PPP1R1C: variants seen among roughly 807,000 people sequenced by gnomAD.
The protein encoded by PPP1R1C is protein phosphatase 1 regulatory subunit 1C.
PPP1R1C carries 15 observed loss-of-function variants against 17.4 expected under a neutral mutation model. That is an observed-to-expected ratio of 0.86 (90% CI 0.58 to 1.33). The LOEUF is 1.33. PPP1R1C is among the 40% of genes most tolerant of loss of function. The probability of loss-of-function intolerance (pLI) is 0.00; values close to 1 mark genes in which losing one functional copy is unlikely to be tolerated. For missense variants in PPP1R1C, 143 were observed against 130.0 expected, an observed-to-expected ratio of 1.10 and a Z score of -0.48; for synonymous variants, 35 against 43.1, an observed-to-expected ratio of 0.81 and a Z score of 0.73.
intron 4 of PPP1R1C, among the ~76,000 whole-genome samples, chr2:182,080,600 C>T (rs897801215): frequency 5.3e-5 from 8 of 152,124 alleles, no homozygotes; most frequent in African/African-American, 7.2e-5. Flanking sequence ...AACTATATTT[C>T]CTCTAATTCA....
Position 182,117,360 on chromosome 2 carries a change from A to ATGGAAGTCAAGCAG in PPP1R1C, c.*70_*71insGTCAAGCAGTGGAA. 1 of 1,182,888 alleles carries ATGGAAGTCAAGCAG rather than the reference A, an allele frequency of 8.5e-7. No homozygotes were observed. Among genetic ancestry groups the ATGGAAGTCAAGCAG allele is most frequent in the Non-Finnish European group, 1.2e-6 (1 of 825,170 alleles). The allele number at this position is 1,182,888 out of a possible 1,614,324, so 73.3% of individuals were successfully genotyped here. ...AACTATTAACTTTTCTGAGTATACC[A>ATGGAAGTCAAGCAG]TGGAATTCCACTGCTTGACTTCCAG... On this transcript the variant is annotated 3_prime_UTR_variant, in exon 5 of 5. Transcript: ENST00000682840.
intron 2 of PPP1R1C, among the ~76,000 whole-genome samples, chr2:182,057,996 A>G (rs1452559497): frequency 6.6e-6 from 1 of 152,142 alleles, no homozygotes; most frequent in Non-Finnish European, 1.5e-5. Context: ...AGTCCCATGG[A>G]GCACCTTCTT....
intron 2 of PPP1R1C, among the ~76,000 whole-genome samples, chr2:182,020,341 A>G (rs1286996971): frequency 6.6e-6 from 1 of 152,216 alleles, no homozygotes. Flanking sequence ...AGACATGTTC[A>G]TGCGTTCTGG....
intron 2 of PPP1R1C, among the ~76,000 whole-genome samples, chr2:182,032,538 C>T (rs1202399457): frequency 6.6e-6 from 1 of 152,136 alleles, no homozygotes; most frequent in Non-Finnish European, 1.5e-5. Context: ...GTTTCTGATA[C>T]ATAGTGGGCC....
chr2:181,999,089 C>T (rs931613801), intron 2 of PPP1R1C, among the ~76,000 whole-genome samples: 12 of 152,284 alleles, frequency 7.9e-5, no homozygotes, highest in South Asian at 2.1e-4. Context: ...ATCTACAGTA[C>T]GCAGCCATCA....
At chr2:182,041,472 G>C (rs1318092554) in intron 2 of PPP1R1C, among the ~76,000 whole-genome samples, 1 of 151,946 alleles carries the variant, frequency 6.6e-6, no homozygotes, top group African/African-American at 2.4e-5. Context: ...AGCCAGTTGT[G>C]GCGGCAGCTG....
chr2:182,088,009 G>A (rs1219912099), intron 4 of PPP1R1C, among the ~76,000 whole-genome samples: 2 of 152,094 alleles, frequency 1.3e-5, no homozygotes, highest in African/African-American at 2.4e-5. Context: ...CCATCTTCCA[G>A]AAGAAGAATG....
At chr2:182,056,561 T>C (rs1017144125) in intron 2 of PPP1R1C, among the ~76,000 whole-genome samples, 1 of 152,206 alleles carries the variant, frequency 6.6e-6, no homozygotes, top group Admixed American at 6.5e-5. Context: ...AAAATGAAGA[T>C]TCAAGTGACC....
intron 1 of PPP1R1C, among the ~76,000 whole-genome samples, chr2:181,987,021 G>A (rs1175608610): frequency 6.6e-6 from 1 of 152,174 alleles, no homozygotes; most frequent in African/African-American, 2.4e-5. Flanking sequence ...GTTTCAGGAT[G>A]TTTTGAAATC....
At chr2:182,015,105 T>C (rs939316194) in intron 2 of PPP1R1C, among the ~76,000 whole-genome samples, 3 of 152,250 alleles carry the variant, frequency 2.0e-5, no homozygotes, top group Middle Eastern at 3.4e-3. Flanking sequence ...CTCTCCTTTC[T>C]TCTAGCAGAA....
At chr2:182,049,940 C>A (rs1413746693) in intron 2 of PPP1R1C, among the ~76,000 whole-genome samples, 1 of 152,170 alleles carries the variant, frequency 6.6e-6, no homozygotes, top group Non-Finnish European at 1.5e-5. Context: ...TCTAGTATTA[C>A]ACAATTGCCA....
At chr2:182,078,625 C>T (rs1688383955) in intron 4 of PPP1R1C, among the ~76,000 whole-genome samples, 1 of 152,122 alleles carries the variant, frequency 6.6e-6, no homozygotes, top group Admixed American at 6.5e-5. Context: ...GAAAAAATAG[C>T]AGAAAGAAGG....
At chr2:182,116,271 A>G (rs780926183) in intron 4 of PPP1R1C, among the ~76,000 whole-genome samples, 3 of 152,216 alleles carry the variant, frequency 2.0e-5, no homozygotes, top group Non-Finnish European at 4.4e-5. Context: ...ATTAAATTAC[A>G]TATTTCTCAG....
chr2:182,024,610 A>G (rs147797309), intron 2 of PPP1R1C, among the ~76,000 whole-genome samples: 93 of 152,188 alleles, frequency 6.1e-4, no homozygotes, highest in African/African-American at 2.2e-3. Context: ...AACTAGCAAT[A>G]TCTTGGGAGG....
chr2:182,035,958 A>G (rs1413583600), intron 2 of PPP1R1C, among the ~76,000 whole-genome samples: 1 of 152,022 alleles, frequency 6.6e-6, no homozygotes, highest in Non-Finnish European at 1.5e-5. Context: ...CATGCTATGT[A>G]TGCTATACTC....
intron 2 of PPP1R1C, among the ~76,000 whole-genome samples, chr2:182,051,850 T>A (rs759131662): frequency 3.9e-5 from 6 of 152,118 alleles, no homozygotes; most frequent in Non-Finnish European, 7.4e-5. Context: ...AACCCTTTTT[T>A]AAATTGTGAT....
intron 4 of PPP1R1C, among the ~76,000 whole-genome samples, chr2:182,115,207 C>A (rs781470400): frequency 5.9e-5 from 9 of 152,062 alleles, no homozygotes; most frequent in African/African-American, 2.2e-4. Flanking sequence ...TCAGAGGGAA[C>A]CCCAAGACCT....
rs374857503 is a variant in PPP1R1C, at chr2:182,072,992, T to C, written c.241+9201T>C. On this transcript the variant is annotated intron_variant, in intron 4 of 4. Transcript: ENST00000682840. Reference sequence around the variant, plus strand: ...TCTCTTTATGACCTTGCCTCTTCACTCCTGTCCTGCCTTGCCTCCGGCCAC... The same window carrying C: ...TCTCTTTATGACCTTGCCTCTTCACCCCTGTCCTGCCTTGCCTCCGGCCAC... 1.7e-4 allele frequency among the ~76,000 whole-genome samples: 26 copies of C among 152,330 alleles called. No homozygotes were observed. In the East Asian group the frequency reaches 1.9e-3, roughly 11 times the overall value.
At chr2:182,060,559 C>T (rs181213920) in intron 2 of PPP1R1C, among the ~76,000 whole-genome samples, 22 of 152,230 alleles carry the variant, frequency 1.4e-4, no homozygotes, top group African/African-American at 5.1e-4. Context: ...CTACATACAT[C>T]TATCCTTTAT....
Sources: gnomAD v4.1 joint callset for allele counts (sites outside exome capture counted in the v4.1 genomes callset) on GRCh38, gnomAD v4.1.1 for gene constraint, MANE v1.5 for transcripts, NCBI Gene and HGNC (gene_info 2026-07-23, HGNC 2026-07-21) for gene names.